The following NRXN3 variants were observed in gnomAD, a reference collection of about 807,000 sequenced individuals.
NRXN3 encodes the protein neurexin III.
NRXN3 carries 32 observed loss-of-function variants against 137.6 expected under a neutral mutation model. That is an observed-to-expected ratio of 0.23 (90% CI 0.18 to 0.31). NRXN3 has a LOEUF of 0.31. Ranked by LOEUF, NRXN3 falls within the 10% of genes least tolerant of loss-of-function variation. The probability of loss-of-function intolerance (pLI) is 1.00; values close to 1 mark genes in which losing one functional copy is unlikely to be tolerated. For missense variants in NRXN3, 1,574 were observed against 2,062.5 expected (o/e 0.76, Z 4.59); for synonymous variants, 798 against 784.5 (o/e 1.02, Z -0.29).
intron 15 of NRXN3, among the ~76,000 whole-genome samples, chr14:79,180,302 G>T (rs966242807): frequency 1.3e-5 from 2 of 152,126 alleles, no homozygotes; most frequent in African/African-American, 4.8e-5. Context: ...AGTGATAAAC[G>T]TGCTGCTTAT....
intron 4 of NRXN3, among the ~76,000 whole-genome samples, chr14:78,468,319 T>C (rs553539298): frequency 6.6e-6 from 1 of 152,284 alleles, no homozygotes; most frequent in Admixed American, 6.5e-5. Context: ...GGGGGCATAA[T>C]GGGGCTGTCT....
intron 15 of NRXN3, among the ~76,000 whole-genome samples, chr14:79,246,357 G>A (rs950648100): frequency 1.3e-5 from 2 of 152,120 alleles, no homozygotes; most frequent in South Asian, 2.1e-4. Flanking sequence ...CTCATGGAGC[G>A]ATTACATGGA....
intron 1 of NRXN3, among the ~76,000 whole-genome samples, chr14:78,223,266 T>C (rs931253143): frequency 6.6e-6 from 1 of 152,246 alleles, no homozygotes; most frequent in Admixed American, 6.5e-5. Context: ...CTATTGTTCA[T>C]TGTGATCTCT....
At chr14:79,409,242 G>A (rs2153509902) in intron 15 of NRXN3, among the ~76,000 whole-genome samples, 1 of 151,786 alleles carries the variant, frequency 6.6e-6, no homozygotes, top group South Asian at 2.1e-4. Flanking sequence ...TATATATTCT[G>A]CTACATACAT....
chr14:78,753,221 C>T (rs192605055), intron 8 of NRXN3, among the ~76,000 whole-genome samples: 54 of 152,260 alleles, frequency 3.5e-4, no homozygotes, highest in Middle Eastern at 3.4e-3. Flanking sequence ...CAAGGAAGTT[C>T]CATGTCTCAA....
intron 15 of NRXN3, among the ~76,000 whole-genome samples, chr14:79,269,305 T>C (rs1227096975): frequency 6.6e-6 from 1 of 152,148 alleles, no homozygotes; most frequent in Non-Finnish European, 1.5e-5. Context: ...CACCTTGGCC[T>C]CCCAAAGTGC....
At position 79,598,916 on chromosome 14, in the gene NRXN3, GA is replaced by G. The variant is rs376952344; in HGVS notation, c.3445-64860del. Among the ~76,000 whole-genome samples the G allele has an allele frequency of 9.9e-4, 151 of 152,300 alleles. 1 individual carries two copies. Among genetic ancestry groups the G allele is most frequent in the African/African-American group, 3.4e-3 (142 of 41,560 alleles). On this transcript the variant is annotated intron_variant, in intron 16 of 20. Coordinates refer to ENST00000335750, the MANE Select transcript of NRXN3 (RefSeq NM_001330195.2). ...GTTAGAAGAGGTGGCCCTGGGATGGGAAGCAGTGCAGACTCTCATGTATGAA... is the reference window on the plus strand; with the variant it reads ...GTTAGAAGAGGTGGCCCTGGGATGGGAGCAGTGCAGACTCTCATGTATGAA...
At chr14:79,031,594 A>G (rs2099608310) in intron 15 of NRXN3, among the ~76,000 whole-genome samples, 1 of 152,158 alleles carries the variant, frequency 6.6e-6, no homozygotes, top group Non-Finnish European at 1.5e-5. Context: ...TTTTGGAAGA[A>G]AGTGAGAATC....
intron 16 of NRXN3, among the ~76,000 whole-genome samples, chr14:79,497,792 T>C (rs1245900825): frequency 1.3e-5 from 2 of 152,132 alleles, no homozygotes; most frequent in Non-Finnish European, 2.9e-5. Context: ...ATCCCAGCAC[T>C]TTGGGAGGCC....
intron 4 of NRXN3, among the ~76,000 whole-genome samples, chr14:78,311,898 A>G (rs2078023493): frequency 6.6e-6 from 1 of 152,122 alleles, no homozygotes; most frequent in African/African-American, 2.4e-5. Flanking sequence ...CTCAAAGGAG[A>G]CTTAGAATTC....
At chr14:79,473,317 A>G (rs1448672772) in intron 16 of NRXN3, among the ~76,000 whole-genome samples, 2 of 152,124 alleles carry the variant, frequency 1.3e-5, no homozygotes, top group East Asian at 1.9e-4. Context: ...TTGTTTTTAC[A>G]TAGTTTATAG....
intron 19 of NRXN3, among the ~76,000 whole-genome samples, chr14:79,724,977 CA>C (rs2098874693): frequency 6.6e-6 from 1 of 152,022 alleles, no homozygotes; most frequent in Admixed American, 6.6e-5. Context: ...TTGAGGTGAT[CA>C]AATGAGGAAG....
intron 15 of NRXN3, among the ~76,000 whole-genome samples, chr14:79,203,890 C>G (rs2153220917): frequency 6.6e-6 from 1 of 152,260 alleles, no homozygotes; most frequent in African/African-American, 2.4e-5. Context: ...CAAATGTTTA[C>G]TTAATAATTA....
intron 16 of NRXN3, among the ~76,000 whole-genome samples, chr14:79,482,953 G>A (rs916979057): frequency 6.6e-6 from 1 of 152,152 alleles, no homozygotes; most frequent in Non-Finnish European, 1.5e-5. Flanking sequence ...GGAACCACAT[G>A]TTCCCTTTGA....
At position 79,020,975 on chromosome 14, in the gene NRXN3, G is replaced by A. The variant is rs984880708; in HGVS notation, c.3262+32834G>A. 9.2e-5 allele frequency among the ~76,000 whole-genome samples: 14 copies of A among 151,760 alleles called. 1 individual carries two copies. The highest frequency in any genetic ancestry group is 2.4e-5 in the African/African-American group (1 of 41,308). On this transcript the variant is annotated intron_variant, in intron 15 of 20. Coordinates refer to ENST00000335750, the MANE Select transcript of NRXN3 (RefSeq NM_001330195.2). ...AGTCTTTTCTTTCTTTAATTAATGA[G>A]TTTCCAGTTTAGATGTGTGATCTTT...
At chr14:79,463,806 G>A (rs1172195356) in intron 15 of NRXN3, among the ~76,000 whole-genome samples, 2 of 152,046 alleles carry the variant, frequency 1.3e-5, no homozygotes, top group East Asian at 1.9e-4. Context: ...GAGGCTCAGG[G>A]GAGAAAGCAT....
Position 79,708,203 on chromosome 14 carries a change from A to G in NRXN3, c.4014+10266A>G, listed in dbSNP as rs557682969. ...CTGAACATGTACAGACTTTTTTCTT[A>G]CTATTATTCCCTAAACAATACAGTA... On this transcript the variant is annotated intron_variant, in intron 19 of 20. Coordinates refer to ENST00000335750, the MANE Select transcript of NRXN3 (RefSeq NM_001330195.2). Among the ~76,000 whole-genome samples, 3 of 152,244 alleles carry G rather than the reference A, an allele frequency of 2.0e-5. No individual in the cohort carries two copies. In the East Asian group the frequency reaches 5.8e-4, roughly 29 times the overall value.
intron 4 of NRXN3, among the ~76,000 whole-genome samples, chr14:78,460,449 A>G (rs2094890678): frequency 1.3e-5 from 2 of 152,188 alleles, no homozygotes; most frequent in Admixed American, 6.5e-5. Context: ...CCCAGCCACT[A>G]GTCATTTCAT....
At chr14:78,559,650 G>A (rs1321453570) in intron 4 of NRXN3, among the ~76,000 whole-genome samples, 1 of 152,194 alleles carries the variant, frequency 6.6e-6, no homozygotes. Flanking sequence ...CTCTATTCTT[G>A]ACAATACTTG....
Sources: allele counts gnomAD v4.1 joint callset (sites outside exome capture counted in the v4.1 genomes callset), GRCh38; gene constraint gnomAD v4.1.1; transcripts MANE v1.5; gene names NCBI Gene and HGNC (gene_info 2026-07-23, HGNC 2026-07-21).